Variants in IRAG2 observed in about 807,000 individuals in gnomAD.
The protein encoded by IRAG2 is lymphoid restricted membrane protein.
In IRAG2, 45 loss-of-function variants were observed where a neutral mutation model predicts 69.9. That is an observed-to-expected ratio of 0.64 (90% CI 0.51 to 0.83). IRAG2 has a LOEUF of 0.83. Among genes scored for constraint, IRAG2 ranks in the 40% least tolerant of loss-of-function variants. The pLI, the probability that IRAG2 is intolerant of heterozygous loss-of-function variation, is 0.00. For synonymous variants in IRAG2, 193 were observed against 202.4 expected (o/e 0.95, Z 0.40); for missense variants, 520 against 587.0 (o/e 0.89, Z 1.18).
rs1945716138 is a variant in IRAG2, at chr12:25,062,862, T to A, written c.-342T>A. On this transcript the variant is annotated 5_prime_UTR_variant, in exon 3 of 22. Transcript: ENST00000556887. ...ATTTCCTCACTATGATTCCCTGTCC[T>A]GCGCAGATGCAATTCAACAACCTCT... The A allele has an allele frequency of 2.5e-6, 1 of 398,914 alleles. No individual in the cohort carries two copies. Among genetic ancestry groups the A allele is most frequent in the African/African-American group, 2.1e-5 (1 of 48,648 alleles). The allele number at this position is 398,914 out of a possible 1,614,324, so 24.7% of individuals were successfully genotyped here.
chr12:25,038,811 A>G (rs1269244604), intron 16 of IRAG2, among the ~76,000 whole-genome samples: 2 of 152,194 alleles, frequency 1.3e-5, no homozygotes, highest in Non-Finnish European at 2.9e-5. Context: ...TGAATTGACT[A>G]AGACCTGAGA....
At chr12:25,104,732 G>A (rs1236237658) in intron 20 of IRAG2, among the ~76,000 whole-genome samples, 2 of 152,050 alleles carry the variant, frequency 1.3e-5, no homozygotes, top group Non-Finnish European at 2.9e-5. Context: ...TTTTTTTCCT[G>A]TCCAGGTGTC....
At chr12:25,001,128 C>T (rs1228578124), upstream of IRAG2, among the ~76,000 whole-genome samples, 1 of 152,136 alleles carries the variant, frequency 6.6e-6, no homozygotes, top group African/African-American at 2.4e-5. Flanking sequence ...GCTTTGGTAG[C>T]TCATGAAGAG....
intron 1 of IRAG2, among the ~76,000 whole-genome samples, chr12:25,056,528 C>T (rs2139925627): frequency 6.6e-6 from 1 of 152,308 alleles, no homozygotes; most frequent in South Asian, 2.1e-4. Flanking sequence ...CACATTGCCT[C>T]TCTGAGCTTC....
intron 1 of IRAG2, among the ~76,000 whole-genome samples, chr12:25,054,662 C>G (rs1190161697): frequency 6.6e-6 from 1 of 152,112 alleles, no homozygotes; most frequent in Admixed American, 6.6e-5. Flanking sequence ...GTGGACACTT[C>G]CTTTCTGTCT....
chr12:25,045,172 A>G (rs1944783032), intron 16 of IRAG2, among the ~76,000 whole-genome samples: 1 of 152,140 alleles, frequency 6.6e-6, no homozygotes, highest in Non-Finnish European at 1.5e-5. Context: ...TAGGTCAATG[A>G]AGAAATAAAG....
intron 6 of IRAG2, among the ~76,000 whole-genome samples, chr12:25,072,219 G>GAAAGAA: frequency 6.6e-6 from 1 of 151,892 alleles, no homozygotes; most frequent in Non-Finnish European, 1.5e-5. Context: ...GAAAAAAAAA[G>GAAAGAA]AAAGAAAAAG....
intron 6 of IRAG2, among the ~76,000 whole-genome samples, chr12:25,078,603 G>T (rs1307338190): frequency 6.6e-6 from 1 of 152,124 alleles, no homozygotes; most frequent in African/African-American, 2.4e-5. Flanking sequence ...GAAAAAGAAA[G>T]TTGTACAACT....
chr12:25,051,630 G>A (rs1944874303), upstream of IRAG2, among the ~76,000 whole-genome samples: 1 of 152,142 alleles, frequency 6.6e-6, no homozygotes, highest in Non-Finnish European at 1.5e-5. Context: ...ATCTGTGGTG[G>A]GGAAGGGTGA....
At chr12:25,094,281 C>A (rs1230874537) in intron 14 of IRAG2, among the ~76,000 whole-genome samples, 1 of 151,860 alleles carries the variant, frequency 6.6e-6, no homozygotes, top group East Asian at 1.9e-4. Flanking sequence ...AGGTAAGGGT[C>A]CAATTTCATT....
At chr12:25,017,328 T>C (rs1452140798) in intron 6 of IRAG2, 1 of 1,231,162 alleles carries the variant, frequency 8.1e-7, no homozygotes, top group East Asian at 3.2e-5. Context: ...CGGGGAACTT[T>C]CATTTCTTTT....
At chr12:25,083,609 C>A (rs10743537) in intron 10 of IRAG2, 116 bp downstream of exon 10, 551,371 of 630,800 alleles carry the variant, frequency 0.87, 241,633 homozygotes, top group East Asian at 1. Flanking sequence ...AATATTATGA[C>A]GTTCATATAA....
intron 14 of IRAG2, among the ~76,000 whole-genome samples, chr12:25,095,404 T>C (rs892669204): frequency 3.3e-5 from 5 of 152,158 alleles, no homozygotes; most frequent in East Asian, 1.9e-4. Context: ...GAAATGACTA[T>C]ATGGTTTTTG....
intron 6 of IRAG2, among the ~76,000 whole-genome samples, chr12:25,071,012 T>G (rs1407055283): frequency 6.6e-6 from 1 of 152,178 alleles, no homozygotes; most frequent in Non-Finnish European, 1.5e-5. Flanking sequence ...GTACAAGTTG[T>G]TGTTATTCTT....
At chr12:25,022,194 A>G (rs2139836861) in intron 7 of IRAG2, among the ~76,000 whole-genome samples, 1 of 152,318 alleles carries the variant, frequency 6.6e-6, no homozygotes, top group African/African-American at 2.4e-5. Context: ...CTTTCCTGTT[A>G]GGAATTGGTA....
chr12:25,088,888 C>T (rs1947830394), intron 11 of IRAG2, among the ~76,000 whole-genome samples: 1 of 152,036 alleles, frequency 6.6e-6, no homozygotes, highest in South Asian at 2.1e-4. Flanking sequence ...CCAAAGTTCT[C>T]ATAAAAGTTA....
intron 3 of IRAG2, chr12:25,011,662 A>G (rs1449882238): frequency 2.6e-5 from 18 of 693,846 alleles, no homozygotes; most frequent in African/African-American, 3.7e-5. Context: ...CCAGTGCTTT[A>G]GCATGCATTA....
At chr12:25,076,907 G>T (rs573148806) in intron 6 of IRAG2, among the ~76,000 whole-genome samples, 1 of 150,416 alleles carries the variant, frequency 6.6e-6, no homozygotes, top group African/African-American at 2.4e-5. Context: ...GCAGGGTCTT[G>T]CCCTGTCACC....
At chr12:25,038,733 G>C (rs1944723591) in intron 16 of IRAG2, among the ~76,000 whole-genome samples, 1 of 151,960 alleles carries the variant, frequency 6.6e-6, no homozygotes, top group African/African-American at 2.4e-5. Context: ...TCTTTTACCA[G>C]AAGAAGCCTT....
Sources: gnomAD v4.1 joint callset for allele counts (sites outside exome capture counted in the v4.1 genomes callset) on GRCh38, gnomAD v4.1.1 for gene constraint, MANE v1.5 for transcripts, NCBI Gene and HGNC (gene_info 2026-07-23, HGNC 2026-07-21) for gene names.